The following HS3ST5 variants were observed in gnomAD, a reference collection of about 807,000 sequenced individuals.
The protein encoded by HS3ST5 is heparan sulfate-glucosamine 3-sulfotransferase 5, also known as heparan sulfate glucosamine 3-O-sulfotransferase 5.
HS3ST5 carries 10 observed loss-of-function variants against 25.4 expected under a neutral mutation model. The observed-to-expected ratio is 0.39, with a 90% CI of 0.24 to 0.67. The LOEUF is 0.67. HS3ST5 is among the 30% of genes least tolerant of loss of function. The pLI is 0.44. For synonymous variants in HS3ST5, 170 were observed against 162.4 expected (o/e 1.05, Z -0.36); for missense variants, 324 against 420.7 (o/e 0.77, Z 2.01).
At position 114,058,156 on chromosome 6, in the gene HS3ST5, C is replaced by T; in HGVS notation, c.142G>A (p.Gly48Ser). The part of the protein sequence containing the change: ...QPICPIEGRL[G>S]GARTQAEFPL... ...AATTCAGCCTGAGTGCGGGCTCCAC[C>T]CAGTCGACCTTCAATGGGGCAAATG... The change falls in exon 5 of 5, where the codon GGT (glycine) becomes AGT (serine). Residue 48 changes from glycine to serine, a missense_variant. Gly to Ser is a moderately conservative substitution (Grantham distance 56). This residue lies in a region of HS3ST5 where 121 missense variants were observed against 117.3 expected (regional missense o/e 1.03). Coordinates refer to ENST00000312719, the MANE Select transcript of HS3ST5 (RefSeq NM_153612.4). 6.2e-7 allele frequency: 1 copy of T among 1,609,484 alleles called. No individual in the cohort carries two copies. Among genetic ancestry groups the T allele is most frequent in the Non-Finnish European group, 8.5e-7 (1 of 1,176,388 alleles).
At chr6:114,242,624 C>T (rs554081846) in intron 1 of HS3ST5, among the ~76,000 whole-genome samples, 31 of 152,142 alleles carry the variant, frequency 2.0e-4, no homozygotes, top group Middle Eastern at 3.4e-3. Context: ...TAGGCCGAGG[C>T]GGGTGGATCA....
intron 3 of HS3ST5, among the ~76,000 whole-genome samples, chr6:114,069,079 G>C (rs1773633591): frequency 6.6e-6 from 1 of 152,188 alleles, no homozygotes; most frequent in African/African-American, 2.4e-5. Flanking sequence ...TTCAAGTGCT[G>C]CTCAAAGGCT....
chr6:114,321,495 A>G (rs1285172746), intron 1 of HS3ST5, among the ~76,000 whole-genome samples: 1 of 152,062 alleles, frequency 6.6e-6, no homozygotes, highest in African/African-American at 2.4e-5. Context: ...TCTGTGTTCC[A>G]CATTCTCTGT....
intron 3 of HS3ST5, among the ~76,000 whole-genome samples, chr6:114,142,317 A>G (rs1777948650): frequency 6.6e-6 from 1 of 152,212 alleles, no homozygotes; most frequent in Non-Finnish European, 1.5e-5. Flanking sequence ...TAAGGTTTAC[A>G]GTTTGGGATT....
chr6:114,188,821 A>G (rs979616799), intron 2 of HS3ST5, among the ~76,000 whole-genome samples: 2 of 152,140 alleles, frequency 1.3e-5, no homozygotes, highest in African/African-American at 4.8e-5. Flanking sequence ...TTATTACAGT[A>G]TTATTGCCAT....
intron 2 of HS3ST5, among the ~76,000 whole-genome samples, chr6:114,190,780 T>A (rs957471051): frequency 3.9e-5 from 6 of 152,222 alleles, no homozygotes; most frequent in African/African-American, 1.4e-4. Flanking sequence ...AAGCTCTGCA[T>A]GGAGTTCTTG....
chr6:114,317,345 A>G (rs1775783103), intron 1 of HS3ST5, among the ~76,000 whole-genome samples: 1 of 152,164 alleles, frequency 6.6e-6, no homozygotes. Flanking sequence ...CGCTTCCTGC[A>G]TTACTAACAA....
intron 3 of HS3ST5, among the ~76,000 whole-genome samples, chr6:114,164,572 A>T (rs1779119784): frequency 6.6e-6 from 1 of 152,140 alleles, no homozygotes; most frequent in South Asian, 2.1e-4. Flanking sequence ...GGACATCTAA[A>T]ACTGGTTTCT....
rs552068192 is a variant in HS3ST5, at chr6:114,103,020, C to T, written c.-32-40143G>A. On this transcript the variant is annotated intron_variant, in intron 3 of 4. Transcript: ENST00000312719. ...CCTTAAGTTAAAAATCAATACTGTA[C>T]TTTTAAAGAGGAGAGTGATGCTATC... is the stretch of plus-strand genomic sequence containing the variant. Among the ~76,000 whole-genome samples, 96 of 152,132 alleles carry T rather than the reference C, an allele frequency of 6.3e-4. 1 individual carries two copies. Among genetic ancestry groups the T allele is most frequent in the African/African-American group, 2.2e-3 (92 of 41,498 alleles).
intron 1 of HS3ST5, among the ~76,000 whole-genome samples, chr6:114,330,744 C>T (rs1321511330): frequency 6.6e-6 from 1 of 152,164 alleles, no homozygotes; most frequent in African/African-American, 2.4e-5. Context: ...TGAAGTCTTT[C>T]TCCTCAAGCC....
chr6:114,145,012 A>AG (rs1346522596), intron 3 of HS3ST5, among the ~76,000 whole-genome samples: 4 of 152,178 alleles, frequency 2.6e-5, no homozygotes, highest in Admixed American at 1.3e-4. Flanking sequence ...GCTGATGCTC[A>AG]CGGAAATTAC....
chr6:114,330,124 AT>A (rs974058050), intron 1 of HS3ST5, among the ~76,000 whole-genome samples: 25 of 151,886 alleles, frequency 1.6e-4, no homozygotes, highest in Non-Finnish European at 3.4e-4. Flanking sequence ...ATTATTCCAG[AT>A]TTTTTTTTAA....
chr6:114,097,678 T>C (rs1438822382), intron 3 of HS3ST5, among the ~76,000 whole-genome samples: 1 of 136,634 alleles, frequency 7.3e-6, no homozygotes, highest in East Asian at 2.1e-4. Flanking sequence ...TCAAAATTAT[T>C]TTGGGGATAG....
intron 3 of HS3ST5, among the ~76,000 whole-genome samples, chr6:114,101,436 T>G (rs2114821740): frequency 6.6e-6 from 1 of 152,322 alleles, no homozygotes; most frequent in East Asian, 1.9e-4. Context: ...CACCACGTGG[T>G]TAAAAAATTT....
At chr6:114,138,973 C>T (rs1182452046) in intron 3 of HS3ST5, among the ~76,000 whole-genome samples, 1 of 152,178 alleles carries the variant, frequency 6.6e-6, no homozygotes, top group Non-Finnish European at 1.5e-5. Context: ...AGATCCCATT[C>T]ATTAGGGCTT....
Position 114,058,163 on chromosome 6 carries a change from A to T in HS3ST5, c.135T>A (p.Gly45=). 6.2e-7 allele frequency: 1 copy of T among 1,607,978 alleles called. No individual in the cohort carries two copies. Among genetic ancestry groups the T allele is most frequent in the Non-Finnish European group, 8.5e-7 (1 of 1,175,286 alleles). The part of the protein sequence containing the change: ...DRLQPICPIE[G]RLGGARTQAE... ...CCTGAGTGCGGGCTCCACCCAGTCG[A>T]CCTTCAATGGGGCAAATGGGTTGTA... Residue 45 remains glycine (G), a synonymous_variant, in exon 5 of 5, where the codon GGT becomes GGA. Coordinates refer to ENST00000312719, the MANE Select transcript of HS3ST5 (RefSeq NM_153612.4).
At chr6:114,135,912 C>G (rs1777575580) in intron 3 of HS3ST5, among the ~76,000 whole-genome samples, 2 of 152,188 alleles carry the variant, frequency 1.3e-5, no homozygotes, top group Admixed American at 1.3e-4. Flanking sequence ...CCCTTGTCTG[C>G]TTTGTTTTCC....
At chr6:114,265,127 T>A (rs556155935) in intron 1 of HS3ST5, among the ~76,000 whole-genome samples, 1 of 152,028 alleles carries the variant, frequency 6.6e-6, no homozygotes, top group South Asian at 2.1e-4. Context: ...TCAAGAGATC[T>A]TCTGGCCTCA....
intron 3 of HS3ST5, among the ~76,000 whole-genome samples, chr6:114,165,150 A>G (rs1450582207): frequency 2.6e-5 from 4 of 152,162 alleles, no homozygotes; most frequent in African/African-American, 9.7e-5. Context: ...ACTGTTCCTT[A>G]TACAAGGTAC....
Sources: allele counts gnomAD v4.1 joint callset (sites outside exome capture counted in the v4.1 genomes callset), GRCh38; gene constraint gnomAD v4.1.1; regional missense constraint gnomAD v4.1.1; transcripts MANE v1.5; gene names NCBI Gene and HGNC (gene_info 2026-07-23, HGNC 2026-07-21).